AKAP10: variants seen among roughly 807,000 people sequenced by gnomAD.
The protein encoded by AKAP10 is A-kinase anchor protein 10, mitochondrial.
Under a neutral mutation model 80.8 loss-of-function variants are expected in AKAP10, and 24 were observed. That is an observed-to-expected ratio of 0.30 (90% CI 0.22 to 0.42). The LOEUF is 0.42. Ranked by LOEUF, AKAP10 falls within the 10% of genes least tolerant of loss-of-function variation. The pLI is 1.00. For missense variants in AKAP10, 661 were observed against 794.9 expected, an observed-to-expected ratio of 0.83 and a Z score of 2.03; for synonymous variants, 291 against 277.7, an observed-to-expected ratio of 1.05 and a Z score of -0.48.
rs528693620 is a variant in AKAP10, at chr17:19,909,410, C to T, written c.1888-134G>A. ...TGGATAAGAATTTCATTCCCATGTA[C>T]GAAAAAACCTGGGCCACCCTCTGGC... On this transcript the variant is annotated intron_variant, in intron 13 of 14. Transcript: ENST00000225737. 60 of 784,648 alleles carry T rather than the reference C, an allele frequency of 7.6e-5. No individual in the cohort carries two copies. In the African/African-American group the frequency reaches 1.0e-3, roughly 13 times the overall value. The allele number at this position is 784,648 out of a possible 1,614,324, so 48.6% of individuals were successfully genotyped here.
At chr17:19,973,765 G>T (rs188878638) in intron 1 of AKAP10, among the ~76,000 whole-genome samples, 29 of 152,322 alleles carry the variant, frequency 1.9e-4, no homozygotes, top group Non-Finnish European at 1.5e-4. Context: ...CTAGACCAGG[G>T]TGTTAATTGT....
At chr17:19,949,470 A>G (rs1161861754) in intron 4 of AKAP10, among the ~76,000 whole-genome samples, 1 of 152,124 alleles carries the variant, frequency 6.6e-6, no homozygotes, top group East Asian at 1.9e-4. Flanking sequence ...GTGCAATGTC[A>G]AAAAAATATT....
At chr17:19,961,049 C>T (rs1251820267) in intron 3 of AKAP10, among the ~76,000 whole-genome samples, 1 of 148,422 alleles carries the variant, frequency 6.7e-6, no homozygotes, top group Admixed American at 6.7e-5. Flanking sequence ...AACAAACAAA[C>T]AAACTGCCTA....
At position 19,920,887 on chromosome 17, in the gene AKAP10, C is replaced by CAAAAAAAAAAAAAA. The variant is rs2042805303; in HGVS notation, c.1752-770_1752-769insTTTTTTTTTTTTTT. On this transcript the variant is annotated intron_variant, in intron 11 of 14. Transcript: ENST00000225737. ...AAAAAAAAAAAAAAAAAAAAAAAAG[C>CAAAAAAAAAAAAAA]AAAAAATACAGTAAGGGTCTTATTT... Among the ~76,000 whole-genome samples the CAAAAAAAAAAAAAA allele has an allele frequency of 3.1e-4, 21 of 66,866 alleles. 1 individual carries two copies. Among genetic ancestry groups the CAAAAAAAAAAAAAA allele is most frequent in the African/African-American group, 1.2e-3 (19 of 15,868 alleles). The allele number at this position is 66,866 out of a possible 152,430, so 43.9% of individuals were successfully genotyped here. A position where few individuals can be genotyped will look rare whatever the true frequency, so the allele number is the denominator to read the frequency against.
At position 19,968,403 on chromosome 17, in the gene AKAP10, G is replaced by A. The variant is rs1184900608; in HGVS notation, c.136+11C>T. On this transcript the variant is annotated intron_variant, in intron 2 of 14. Transcript: ENST00000225737. Reference sequence around the variant, plus strand: ...TTTTTAATGCAGTGGACTGCCAAGGGCAGAACTTACCTTTAATGGACTTCA... The same window carrying A: ...TTTTTAATGCAGTGGACTGCCAAGGACAGAACTTACCTTTAATGGACTTCA... 6.2e-7 allele frequency: 1 copy of A among 1,611,660 alleles called. No individual in the cohort carries two copies.
At chr17:19,917,872 A>G (rs203455) in intron 12 of AKAP10, among the ~76,000 whole-genome samples, 63,666 of 150,762 alleles carry the variant, frequency 0.42, 14,224 homozygotes, top group African/African-American at 0.57. Context: ...GCAGTGAGCC[A>G]AGCCTGGCGA....
At chr17:19,927,460 T>A (rs538417801) in intron 10 of AKAP10, among the ~76,000 whole-genome samples, 30 of 152,210 alleles carry the variant, frequency 2.0e-4, no homozygotes, top group Middle Eastern at 3.4e-3. Flanking sequence ...CTAGAATATA[T>A]AAAGGACTCC....
In AKAP10 at chr17:19,910,527, T is replaced by C. The variant is rs140248957; in HGVS notation, c.1835-549A>G. ...ATGGCTTGAAAAACTTTTGAAAAGGTGTTTCAGAGTTCTGGACTTTTCTTC... is the reference window on the plus strand; with the variant it reads ...ATGGCTTGAAAAACTTTTGAAAAGGCGTTTCAGAGTTCTGGACTTTTCTTC... On this transcript the variant is annotated intron_variant, in intron 12 of 14. Transcript: ENST00000225737. Among the ~76,000 whole-genome samples, 711 of 152,248 alleles carry C rather than the reference T, an allele frequency of 4.7e-3. 11 individuals carry two copies. The highest frequency in any genetic ancestry group is 0.016 in the African/African-American group (666 of 41,552).
chr17:19,944,003 A>G (rs536998283), intron 5 of AKAP10, among the ~76,000 whole-genome samples: 1 of 149,976 alleles, frequency 6.7e-6, no homozygotes, highest in East Asian at 2.0e-4. Flanking sequence ...TTTTTTTTCT[A>G]CAGTACATCT....
chr17:19,946,219 A>AT (rs1555576578), intron 5 of AKAP10, among the ~76,000 whole-genome samples: 4 of 26,692 alleles, frequency 1.5e-4, no homozygotes, highest in Non-Finnish European at 2.1e-4. Flanking sequence ...ATATATATAT[A>AT]TTTTATATAT....
chr17:19,943,023 C>T (rs2043065830), intron 5 of AKAP10, among the ~76,000 whole-genome samples: 1 of 152,032 alleles, frequency 6.6e-6, no homozygotes, highest in Admixed American at 6.6e-5. Context: ...TTCTGAGTAG[C>T]TGAGACTACA....
intron 9 of AKAP10, chr17:19,936,069 G>T: frequency 1.1e-5 from 4 of 372,182 alleles, no homozygotes; most frequent in Non-Finnish European, 1.9e-5. Flanking sequence ...CATTATAATC[G>T]TACAGGACCA....
At chr17:19,931,456 T>C (rs1200822126) in intron 10 of AKAP10, among the ~76,000 whole-genome samples, 3 of 151,490 alleles carry the variant, frequency 2.0e-5, no homozygotes. Context: ...AGTGGCGTGA[T>C]TTTGGTTCAT....
chr17:19,926,407 G>A (rs1423836174), intron 10 of AKAP10, among the ~76,000 whole-genome samples: 2 of 151,990 alleles, frequency 1.3e-5, no homozygotes, highest in African/African-American at 4.8e-5. Context: ...CTGTCAGATA[G>A]GAAACAAGAC....
chr17:19,917,898 TC>T (rs1279853032), intron 12 of AKAP10, among the ~76,000 whole-genome samples: 2 of 149,318 alleles, frequency 1.3e-5, no homozygotes, highest in Non-Finnish European at 3.0e-5. Context: ...CTAGACTCTG[TC>T]CCCCTCCCAC....
rs574085314 is a variant in AKAP10, at chr17:19,963,109, A to G, written c.137-87T>C. 6.6e-4 allele frequency: 803 copies of G among 1,213,146 alleles called. 6 individuals are homozygous for G. Among genetic ancestry groups the G allele is most frequent in the Non-Finnish European group, 1.2e-4 (105 of 893,566 alleles). The allele number at this position is 1,213,146 out of a possible 1,614,324, so 75.1% of individuals were successfully genotyped here. A position where few individuals can be genotyped will look rare whatever the true frequency, so the allele number is the denominator to read the frequency against. ...AAGGGGCTTTCAGAGAACTTTAAAA[A>G]TTAAATTTTGTAACATTACTCTTAA... On this transcript the variant is annotated intron_variant, in intron 2 of 14. Transcript: ENST00000225737.
intron 5 of AKAP10, among the ~76,000 whole-genome samples, chr17:19,945,716 C>T (rs1195563559): frequency 6.6e-6 from 1 of 152,174 alleles, no homozygotes; most frequent in Non-Finnish European, 1.5e-5. Flanking sequence ...AGGGGTCTTG[C>T]TGTCCCCAGC....
Position 19,916,959 on chromosome 17 carries a change from T to A in AKAP10, c.1834+3077A>T, listed in dbSNP as rs1190025901. Reference sequence around the variant, plus strand: ...CTCAAAAAATAAATAAATAAATAAATAAATAACAACAACAAAAAAACCAGG... The same window carrying A: ...CTCAAAAAATAAATAAATAAATAAAAAAATAACAACAACAAAAAAACCAGG... On this transcript the variant is annotated intron_variant, in intron 12 of 14. Transcript: ENST00000225737. Among the ~76,000 whole-genome samples, 8 of 113,766 alleles carry A rather than the reference T, an allele frequency of 7.0e-5. No homozygotes were observed. The East Asian group carries it at 1.4e-3, about 19-fold the overall frequency. The allele number at this position is 113,766 out of a possible 152,430, so 74.6% of individuals were successfully genotyped here.
chr17:19,971,508 C>CAA (rs201771634), intron 1 of AKAP10, among the ~76,000 whole-genome samples: 4 of 102,648 alleles, frequency 3.9e-5, no homozygotes, highest in African/African-American at 1.5e-4. Context: ...GACTCCATCT[C>CAA]AAAAAAAAAA....
Sources: allele counts gnomAD v4.1 joint callset (sites outside exome capture counted in the v4.1 genomes callset), GRCh38; gene constraint gnomAD v4.1.1; transcripts MANE v1.5; gene names NCBI Gene and HGNC (gene_info 2026-07-23, HGNC 2026-07-21).